The following DAAM1 variants were observed in gnomAD, a reference collection of about 807,000 sequenced individuals.
The protein encoded by DAAM1 is dishevelled associated activator of morphogenesis 1, also known as disheveled-associated activator of morphogenesis 1.
A neutral mutation model predicts 130.0 loss-of-function variants in DAAM1; 52 were observed. The observed-to-expected ratio is 0.40, with a 90% CI of 0.32 to 0.50. The LOEUF is 0.50. Among genes scored for constraint, DAAM1 ranks in the 20% least tolerant of loss-of-function variants. The pLI is 0.61. For missense variants in DAAM1, 1,134 were observed against 1,303.8 expected (o/e 0.87, Z 2.01); for synonymous variants, 452 against 444.5 (o/e 1.02, Z -0.21).
rs140786015 is a variant in DAAM1 at position 59,235,866 on chromosome 14, A to G, written c.-37-27575A>G. Among the ~76,000 whole-genome samples, 336 of 152,234 alleles carry G rather than the reference A, an allele frequency of 2.2e-3. 1 individual carries two copies. Among genetic ancestry groups the G allele is most frequent in the African/African-American group, 7.6e-3 (315 of 41,556 alleles). Reference sequence around the variant, plus strand: ...TATTGCATTTCATCCAAACCAGCCAATTGCTTTGAAAGAGTTATGGTGGAA... The same window carrying G: ...TATTGCATTTCATCCAAACCAGCCAGTTGCTTTGAAAGAGTTATGGTGGAA... On this transcript the variant is annotated intron_variant, in intron 1 of 24. Coordinates refer to ENST00000360909, the MANE Select transcript of DAAM1 (RefSeq NM_001270520.2).
At chr14:59,367,881 C>A (rs1417032543) in intron 24 of DAAM1, among the ~76,000 whole-genome samples, 2 of 152,094 alleles carry the variant, frequency 1.3e-5, no homozygotes, top group African/African-American at 4.8e-5. Context: ...AAAAGGGCAG[C>A]ATTCTTTATA....
At chr14:59,295,905 G>A (rs1304950111) in intron 3 of DAAM1, among the ~76,000 whole-genome samples, 1 of 152,192 alleles carries the variant, frequency 6.6e-6, no homozygotes, top group African/African-American at 2.4e-5. Flanking sequence ...AGTAAAGTGA[G>A]CATTGGATTT....
At chr14:59,331,693 C>T (rs1412087230) in intron 14 of DAAM1, 120 bp from the exon 15 acceptor site, 4 of 1,488,968 alleles carry the variant, frequency 2.7e-6, no homozygotes, top group South Asian at 2.8e-5. Context: ...GTTTGAAACC[C>T]GTCACTTTGA....
At chr14:59,227,942 A>T (rs910427934) in intron 1 of DAAM1, among the ~76,000 whole-genome samples, 1 of 152,198 alleles carries the variant, frequency 6.6e-6, no homozygotes, top group Non-Finnish European at 1.5e-5. Context: ...TCTCTGCCAC[A>T]CACCGAAACA....
chr14:59,281,067 A>G (rs1023358543), intron 2 of DAAM1, among the ~76,000 whole-genome samples: 3 of 152,142 alleles, frequency 2.0e-5, no homozygotes, highest in South Asian at 2.1e-4. Flanking sequence ...GTCCCAAGAC[A>G]GATTTCTCTG....
rs138032304 is a variant in DAAM1 at position 59,255,492 on chromosome 14, C to T, written c.-37-7949C>T. ...GGAGAGGGATGGCCAAGGAGAGAAGCAAAGTAGTTTTTTTCCTTTCACATT... is the reference window on the plus strand; with the variant it reads ...GGAGAGGGATGGCCAAGGAGAGAAGTAAAGTAGTTTTTTTCCTTTCACATT... On this transcript the variant is annotated intron_variant, in intron 1 of 24. Coordinates refer to ENST00000360909, the MANE Select transcript of DAAM1 (RefSeq NM_001270520.2). Among the ~76,000 whole-genome samples the T allele has an allele frequency of 2.7e-3, 410 of 152,168 alleles. 3 individuals are homozygous for T. The highest frequency in any genetic ancestry group is 2.7e-3 in the Non-Finnish European group (185 of 68,012).
At position 59,323,069 on chromosome 14, in the gene DAAM1, T is replaced by C. The variant is rs2139619526; in HGVS notation, c.618T>C (p.Asn206=). ...AHVLAHSESI[N]VIAQSLSTEN... ...TCCTGGCTCATTCTGAGAGTATTAA[T>C]GTAATTGCTCAGAGTCTGAGCACAG... Residue 206 remains asparagine, a synonymous_variant, in exon 6 of 25, where the codon AAT becomes AAC. Transcript: ENST00000360909. The C allele has an allele frequency of 6.2e-7, 1 of 1,613,974 alleles. No homozygotes were observed. Among genetic ancestry groups the C allele is most frequent in the East Asian group, 2.2e-5 (1 of 44,842 alleles).
chr14:59,196,105 C>A (rs975900489), intron 1 of DAAM1, among the ~76,000 whole-genome samples: 5 of 152,296 alleles, frequency 3.3e-5, no homozygotes, highest in African/African-American at 1.2e-4. Flanking sequence ...GGACTAGGGG[C>A]AGCTTCTTGA....
At chr14:59,272,348 G>T (rs1034753162) in intron 2 of DAAM1, among the ~76,000 whole-genome samples, 3 of 152,134 alleles carry the variant, frequency 2.0e-5, no homozygotes, top group African/African-American at 7.2e-5. Flanking sequence ...GGAGACTAAG[G>T]CGGGCAGATC....
At chr14:59,277,508 A>C (rs768213480) in intron 2 of DAAM1, among the ~76,000 whole-genome samples, 9 of 150,544 alleles carry the variant, frequency 6.0e-5, no homozygotes, top group Non-Finnish European at 1.3e-4. Flanking sequence ...AAATATTATA[A>C]ATATGTAAAA....
intron 3 of DAAM1, among the ~76,000 whole-genome samples, chr14:59,312,156 A>G (rs1884623942): frequency 6.6e-6 from 1 of 152,216 alleles, no homozygotes; most frequent in Non-Finnish European, 1.5e-5. Flanking sequence ...TCTGGATTTT[A>G]AATGTGAACA....
rs1336280629 is a variant in DAAM1 at position 59,320,567 on chromosome 14, G to A, written c.423G>A (p.Leu141=). 1 of 1,587,434 alleles carries A rather than the reference G, an allele frequency of 6.3e-7. No homozygotes were observed. The highest frequency in any genetic ancestry group is 8.5e-7 in the Non-Finnish European group (1 of 1,172,016). The change falls in exon 5 of 25, where the codon CTG becomes CTA. Residue 141 remains leucine (L), a synonymous_variant. Coordinates refer to ENST00000360909, the MANE Select transcript of DAAM1 (RefSeq NM_001270520.2). The part of the protein sequence containing the change: ...SKTIESLKTA[L]RTKPMRFVTR... Reference sequence around the variant, plus strand: ...CTATAGAGAGTTTAAAGACAGCACTGAGGACAAAACCAATGAGGTAATTTT... The same window carrying A: ...CTATAGAGAGTTTAAAGACAGCACTAAGGACAAAACCAATGAGGTAATTTT...
At chr14:59,250,873 CCTTT>C (rs200665155) in intron 1 of DAAM1, among the ~76,000 whole-genome samples, 3,089 of 152,208 alleles carry the variant, frequency 0.02, 33 homozygotes, top group Non-Finnish European at 0.029. Flanking sequence ...TTGTTATAAA[CCTTT>C]CTTTCTTCTC....
chr14:59,255,809 A>G (rs1257633052), intron 1 of DAAM1, among the ~76,000 whole-genome samples: 2 of 152,212 alleles, frequency 1.3e-5, no homozygotes, highest in Non-Finnish European at 2.9e-5. Context: ...TGAGATTATA[A>G]TTCTTAGGAA....
At chr14:59,267,551 A>G (rs1481413315) in intron 2 of DAAM1, among the ~76,000 whole-genome samples, 1 of 152,170 alleles carries the variant, frequency 6.6e-6, no homozygotes, top group Non-Finnish European at 1.5e-5. Flanking sequence ...TAATTCACCT[A>G]TGTAAAGTGT....
At chr14:59,204,372 G>A (rs1050745537) in intron 1 of DAAM1, among the ~76,000 whole-genome samples, 1 of 152,198 alleles carries the variant, frequency 6.6e-6, no homozygotes, top group Non-Finnish European at 1.5e-5. Context: ...CCCACATTCT[G>A]TTCCACATGG....
intron 15 of DAAM1, among the ~76,000 whole-genome samples, chr14:59,338,708 CT>C (rs1055292230): frequency 6.7e-6 from 1 of 149,946 alleles, no homozygotes; most frequent in Non-Finnish European, 1.5e-5. Context: ...GGTTTCTTTA[CT>C]TTTTTTTTAA....
rs763917911 is a variant in DAAM1 at position 59,323,216 on chromosome 14, C to T, written c.765C>T (p.Thr255=). 8.7e-6 allele frequency: 14 copies of T among 1,604,186 alleles called. No individual in the cohort carries two copies. The highest frequency in any genetic ancestry group is 3.3e-5 in the South Asian group (3 of 89,892). ...ACCAGAAGTATGCCAGCGAAAGGAC[C>T]CGCTTTCAGGTGGGTGTTCGCTCAG... The part of the protein sequence containing the change: ...LHYQKYASER[T]RFQTLINDLD... The change falls in exon 6 of 25, where the codon ACC becomes ACT. Residue 255 remains threonine, a synonymous_variant. Transcript: ENST00000360909.
In DAAM1 at chr14:59,311,250, C is replaced by G. The variant is rs182470064; in HGVS notation, c.274-4030C>G. On this transcript the variant is annotated intron_variant, in intron 3 of 24. Coordinates refer to ENST00000360909, the MANE Select transcript of DAAM1 (RefSeq NM_001270520.2). ...TTGTCCCAAATCAGAGATTCTCTCT[C>G]TGCATAAACAGCTGATATTGACATT... Among the ~76,000 whole-genome samples the G allele has an allele frequency of 8.5e-5, 13 of 152,266 alleles. No individual in the cohort carries two copies. In the East Asian group the frequency reaches 2.5e-3, roughly 29 times the overall value.
Sources: allele counts gnomAD v4.1 joint callset (sites outside exome capture counted in the v4.1 genomes callset), GRCh38; gene constraint gnomAD v4.1.1; transcripts MANE v1.5; gene names NCBI Gene and HGNC (gene_info 2026-07-23, HGNC 2026-07-21).